Variants in TRPS1 observed in about 807,000 individuals in gnomAD.
The protein encoded by TRPS1 is zinc finger transcription factor Trps1.
In TRPS1, 6 loss-of-function variants were observed where a neutral mutation model predicts 101.2. That is an observed-to-expected ratio of 0.06 (90% CI 0.03 to 0.12). TRPS1 has a LOEUF of 0.12. Among genes scored for constraint, TRPS1 ranks in the 10% least tolerant of loss-of-function variants. The pLI, the probability that TRPS1 is intolerant of heterozygous loss-of-function variation, is 1.00. For synonymous variants in TRPS1, 578 were observed against 589.8 expected (o/e 0.98, Z 0.29); for missense variants, 1,363 against 1,567.0 (o/e 0.87, Z 2.20).
At chr8:115,555,012 C>T (rs1484295283) in intron 5 of TRPS1, among the ~76,000 whole-genome samples, 1 of 152,172 alleles carries the variant, frequency 6.6e-6, no homozygotes, top group East Asian at 1.9e-4. Context: ...GACTCTCTTT[C>T]TACTTCCTAG....
rs1361007794 is a variant in TRPS1 at position 115,587,355 on chromosome 8, C to CT, written c.2345dup (p.Leu783AlafsTer18). On this transcript the variant is annotated frameshift_variant, in exon 5 of 7. Transcript: ENST00000395715. LOFTEE classifies it high-confidence loss of function. ...CTTTGAGCCCGTCCTTCTCTTCCAG[C>CT]TTCTCTCTCTTCACCACACTCTCAG... 1 of 1,614,118 alleles carries CT rather than the reference C, an allele frequency of 6.2e-7. No individual in the cohort carries two copies. The highest frequency in any genetic ancestry group is 1.3e-5 in the African/African-American group (1 of 74,942).
chr8:115,430,193 C>T (rs990691215), intron 5 of TRPS1, among the ~76,000 whole-genome samples: 1 of 152,100 alleles, frequency 6.6e-6, no homozygotes, highest in African/African-American at 2.4e-5. Flanking sequence ...AGTTTTGCCT[C>T]GGCTTTTCAT....
intron 5 of TRPS1, among the ~76,000 whole-genome samples, chr8:115,451,885 T>A (rs1310788727): frequency 6.6e-6 from 1 of 152,172 alleles, no homozygotes; most frequent in African/African-American, 2.4e-5. Context: ...TTGCATCTAA[T>A]ACAGGAAATG....
chr8:115,477,718 G>A (rs1814640763), intron 5 of TRPS1, among the ~76,000 whole-genome samples: 1 of 152,002 alleles, frequency 6.6e-6, no homozygotes, highest in Non-Finnish European at 1.5e-5. Flanking sequence ...GTTCATCTCT[G>A]TATCCTTAGT....
chr8:115,581,194 A>G (rs1817441423), intron 5 of TRPS1, among the ~76,000 whole-genome samples: 1 of 151,800 alleles, frequency 6.6e-6, no homozygotes, highest in Non-Finnish European at 1.5e-5. Context: ...TGGAAGCTAA[A>G]AAAAAAAAAA....
At chr8:115,512,806 A>G (rs532470432) in intron 5 of TRPS1, among the ~76,000 whole-genome samples, 2 of 151,874 alleles carry the variant, frequency 1.3e-5, no homozygotes, top group African/African-American at 4.8e-5. Flanking sequence ...TTAAATATAT[A>G]TCTTAATGGG....
chr8:115,557,090 G>C (rs551656005), intron 5 of TRPS1, among the ~76,000 whole-genome samples: 15 of 152,238 alleles, frequency 9.9e-5, no homozygotes, highest in Non-Finnish European at 1.9e-4. Context: ...TAGGCAAAGA[G>C]AGAGAGCTTG....
chr8:115,429,339 G>A (rs1002061668), intron 5 of TRPS1, among the ~76,000 whole-genome samples: 4 of 152,154 alleles, frequency 2.6e-5, no homozygotes, highest in African/African-American at 7.2e-5. Context: ...AGCTGCTCAA[G>A]AAGAAAGCAG....
intron 5 of TRPS1, among the ~76,000 whole-genome samples, chr8:115,486,912 T>G (rs1814895378): frequency 6.6e-6 from 1 of 152,224 alleles, no homozygotes; most frequent in Non-Finnish European, 1.5e-5. Context: ...AGGTGATTGA[T>G]GAAGATAGCT....
At chr8:115,545,728 C>G (rs12056626) in intron 5 of TRPS1, among the ~76,000 whole-genome samples, 97,603 of 152,040 alleles carry the variant, frequency 0.64, 31,935 homozygotes, top group East Asian at 0.84. Flanking sequence ...TCCAATACAA[C>G]TAATGATCTC....
chr8:115,524,919 A>T (rs965120964), intron 5 of TRPS1, among the ~76,000 whole-genome samples: 1 of 152,176 alleles, frequency 6.6e-6, no homozygotes, highest in South Asian at 2.1e-4. Flanking sequence ...TCCAAAATGT[A>T]TAATTTCTTG....
At chr8:115,621,776 T>C (rs993192750) in intron 2 of TRPS1, among the ~76,000 whole-genome samples, 5 of 150,876 alleles carry the variant, frequency 3.3e-5, no homozygotes, top group Non-Finnish European at 7.4e-5. Context: ...ATTAGCTGGG[T>C]GTGGTGGTGC....
chr8:115,586,400 G>A (rs946039409), intron 5 of TRPS1, among the ~76,000 whole-genome samples: 2 of 152,080 alleles, frequency 1.3e-5, no homozygotes, highest in East Asian at 3.9e-4. Context: ...CATATCAAAT[G>A]CATGGCACTC....
At chr8:115,607,853 TACA>T (rs1818075683) in intron 3 of TRPS1, among the ~76,000 whole-genome samples, 1 of 152,220 alleles carries the variant, frequency 6.6e-6, no homozygotes, top group Admixed American at 6.5e-5. Flanking sequence ...ATAGATGACA[TACA>T]ACATTTAAAT....
intron 5 of TRPS1, among the ~76,000 whole-genome samples, chr8:115,481,261 A>C (rs565618917): frequency 6.6e-6 from 1 of 152,312 alleles, no homozygotes; most frequent in East Asian, 1.9e-4. Flanking sequence ...GAAATTAAGA[A>C]GCAAACGCAA....
intron 5 of TRPS1, among the ~76,000 whole-genome samples, chr8:115,518,647 A>G (rs1815781194): frequency 6.6e-6 from 1 of 151,832 alleles, no homozygotes; most frequent in Non-Finnish European, 1.5e-5. Context: ...AAATTGCATC[A>G]ACCCCTGTAG....
chr8:115,501,288 A>G (rs891479289), intron 5 of TRPS1, among the ~76,000 whole-genome samples: 1 of 152,154 alleles, frequency 6.6e-6, no homozygotes, highest in African/African-American at 2.4e-5. Context: ...TCCAGCTACT[A>G]TGTTAGGTGG....
At chr8:115,432,009 C>T (rs1343436558) in intron 5 of TRPS1, among the ~76,000 whole-genome samples, 1 of 151,432 alleles carries the variant, frequency 6.6e-6, no homozygotes, top group Non-Finnish European at 1.5e-5. Flanking sequence ...TATTCCTTAG[C>T]TTTTCAAAAA....
chr8:115,656,482 G>A (rs1025911732), intron 1 of TRPS1, among the ~76,000 whole-genome samples: 1 of 151,868 alleles, frequency 6.6e-6, no homozygotes, highest in East Asian at 1.9e-4. Context: ...TTTCAAACCT[G>A]GTAAAAGTTG....
Sources: allele counts gnomAD v4.1 joint callset (sites outside exome capture counted in the v4.1 genomes callset), GRCh38; gene constraint gnomAD v4.1.1; transcripts MANE v1.5; gene names NCBI Gene and HGNC (gene_info 2026-07-23, HGNC 2026-07-21).